IGF2R: variants seen among roughly 807,000 people sequenced by gnomAD.
IGF2R encodes the protein insulin like growth factor 2 receptor, also known as cation-independent mannose-6-phosphate receptor.
Under a neutral mutation model 270.6 loss-of-function variants are expected in IGF2R, and 91 were observed. That is an observed-to-expected ratio of 0.34 (90% confidence interval 0.28 to 0.40). The LOEUF (loss-of-function observed/expected upper bound fraction) is 0.40, where lower values mean the gene tolerates loss of function less well. IGF2R is among the 10% of genes least tolerant of loss of function. The probability of loss-of-function intolerance (pLI) is 1.00; values close to 1 mark genes in which losing one functional copy is unlikely to be tolerated. For missense variants in IGF2R, 2,805 were observed against 3,188.3 expected (o/e 0.88, Z 2.90); for synonymous variants, 1,316 against 1,258.9 (o/e 1.05, Z -0.96).
In IGF2R at chr6:160,104,868, A is replaced by G. The variant is rs771354233; in HGVS notation, c.7260A>G (p.Lys2420=). 3.7e-6 allele frequency: 6 copies of G among 1,614,182 alleles called. No homozygotes were observed. In the South Asian group the frequency reaches 5.5e-5, roughly 15 times the overall value. The change falls in exon 48 of 48, where the codon AAA becomes AAG. Residue 2420 remains lysine (K), a synonymous_variant. Transcript: ENST00000356956. Reference sequence around the variant, plus strand: ...AGGTTCTGACCATCCCAGAGGTGAAAGTTCACTCGGGCAGGGGAGCTGGGG... The same window carrying G: ...AGGTTCTGACCATCCCAGAGGTGAAGGTTCACTCGGGCAGGGGAGCTGGGG... ...EDEVLTIPEV[K]VHSGRGAGAE...
chr6:160,070,031 C>T lies in IGF2R; in HGVS notation c.4416C>T (p.Ile1472=), dbSNP rs182138692. The change falls in exon 31 of 48, where the codon ATC becomes ATT. Residue 1472 remains isoleucine, a synonymous_variant. Coordinates refer to ENST00000356956, the MANE Select transcript of IGF2R (RefSeq NM_000876.4). ...GGATTCGGAAAAAGTCAACCACCAT[C>T]CGATTCACCTGCAGCGAGAGCCAAG... ...PDGIRKKSTT[I]RFTCSESQVN... is the part of the protein sequence containing the mutation. 96 of 1,614,236 alleles carry T rather than the reference C, an allele frequency of 5.9e-5. 1 individual carries two copies. The highest frequency in any genetic ancestry group is 5.3e-4 in the Admixed American group (32 of 60,030).
At chr6:160,009,659 G>C (rs1336244237) in intron 3 of IGF2R, among the ~76,000 whole-genome samples, 2 of 152,144 alleles carry the variant, frequency 1.3e-5, no homozygotes, top group African/African-American at 4.8e-5. Context: ...CTTATTATGG[G>C]CATATTGTAT....
chr6:160,072,725 C>T (rs750446934), intron 32 of IGF2R, 40 bp from the exon 33 acceptor site: 2 of 1,613,692 alleles, frequency 1.2e-6, no homozygotes, highest in East Asian at 2.2e-5. Flanking sequence ...AGTCTCAGCT[C>T]CCTGGAGTCA....
intron 19 of IGF2R, among the ~76,000 whole-genome samples, chr6:160,055,626 G>A (rs1778295343): frequency 6.6e-6 from 1 of 152,166 alleles, no homozygotes; most frequent in South Asian, 2.1e-4. Context: ...ACGGCCAAGG[G>A]TGTGGACTCA....
chr6:160,000,797 G>A (rs1052148008), intron 2 of IGF2R, among the ~76,000 whole-genome samples: 17 of 143,124 alleles, frequency 1.2e-4, no homozygotes, highest in South Asian at 2.3e-4. Context: ...GTGCAGTGGC[G>A]CCATCTTGGC....
chr6:160,080,230 A>G lies in IGF2R; in HGVS notation c.5788A>G (p.Thr1930Ala). ...ESRAKLWCST[T>A]ADYDRDHEWG... The stretch of plus-strand genomic sequence containing the variant: ...CAGGGCGAAGCTGTGGTGTAGCACA[A>G]CTGCGGACTACGACAGAGACCACGA... The change falls in exon 39 of 48, where the codon ACT becomes GCT. Residue 1930 changes from threonine to alanine, a missense_variant. This residue lies in a region of IGF2R where 1,851 missense variants were observed against 2,207.2 expected (regional missense o/e 0.84). Coordinates refer to ENST00000356956, the MANE Select transcript of IGF2R (RefSeq NM_000876.4). The G allele has an allele frequency of 6.2e-7, 1 of 1,614,180 alleles. No homozygotes were observed. Among genetic ancestry groups the G allele is most frequent in the Non-Finnish European group, 8.5e-7 (1 of 1,180,024 alleles).
At chr6:160,051,284 T>C (rs1778190317) in intron 19 of IGF2R, among the ~76,000 whole-genome samples, 1 of 152,184 alleles carries the variant, frequency 6.6e-6, no homozygotes, top group South Asian at 2.1e-4. Flanking sequence ...ATGATTCTCT[T>C]TGGAGCCTGA....
chr6:159,977,731 C>T (rs761964225), intron 1 of IGF2R, among the ~76,000 whole-genome samples: 1 of 152,314 alleles, frequency 6.6e-6, no homozygotes, highest in Non-Finnish European at 1.5e-5. Flanking sequence ...AGACTCCTCC[C>T]CTCACAGGCC....
chr6:159,989,194 A>C (rs1189357339), intron 1 of IGF2R, among the ~76,000 whole-genome samples: 1 of 152,082 alleles, frequency 6.6e-6, no homozygotes, highest in Non-Finnish European at 1.5e-5. Flanking sequence ...GTTTCTTGGC[A>C]GGGGGGTTTG....
At chr6:160,082,292 G>T (rs1263615972) in intron 39 of IGF2R, among the ~76,000 whole-genome samples, 1 of 151,984 alleles carries the variant, frequency 6.6e-6, no homozygotes, top group East Asian at 1.9e-4. Context: ...GTACTTGTAG[G>T]TATTACATTA....
At chr6:160,015,786 G>A (rs1468034114) in intron 4 of IGF2R, among the ~76,000 whole-genome samples, 2 of 152,286 alleles carry the variant, frequency 1.3e-5, no homozygotes, top group Non-Finnish European at 2.9e-5. Flanking sequence ...TAAATCATGG[G>A]GGTCCCTCAT....
intron 2 of IGF2R, among the ~76,000 whole-genome samples, chr6:160,008,680 A>G (rs1784284965): frequency 6.6e-6 from 1 of 152,160 alleles, no homozygotes; most frequent in Admixed American, 6.5e-5. Flanking sequence ...ACTAGTGTGG[A>G]GGCAGGGGGA....
intron 1 of IGF2R, among the ~76,000 whole-genome samples, chr6:159,983,916 T>C (rs1783841405): frequency 1.3e-5 from 2 of 152,092 alleles, no homozygotes; most frequent in African/African-American, 4.8e-5. Flanking sequence ...GGAAGAGAGG[T>C]TGTGGAAGGC....
chr6:160,073,751 T>TA lies in IGF2R; in HGVS notation c.4948-4dup, dbSNP rs1460102288. The TA allele has an allele frequency of 6.2e-7, 1 of 1,612,786 alleles. No homozygotes were observed. The highest frequency in any genetic ancestry group is 2.2e-5 in the East Asian group (1 of 44,874). On this transcript the variant is annotated splice_region_variant and splice_polypyrimidine_tract_variant and intron_variant, in intron 34 of 47. Transcript: ENST00000356956. Reference sequence around the variant, plus strand: ...TAGACTCAAAGCAGTCTTTCCTACTTAACAGACCGAATGTTCCGTGAGGAA... The same window carrying TA: ...TAGACTCAAAGCAGTCTTTCCTACTTAAACAGACCGAATGTTCCGTGAGGAA...
At chr6:160,055,896 G>A (rs548824626) in intron 19 of IGF2R, among the ~76,000 whole-genome samples, 4 of 152,230 alleles carry the variant, frequency 2.6e-5, no homozygotes, top group African/African-American at 9.6e-5. Flanking sequence ...ACACACCGAA[G>A]GGCACACAGA....
rs1783563856 is a variant in IGF2R, at chr6:159,969,086, C to T, written c.-161C>T. 2 of 245,596 alleles carry T rather than the reference C, an allele frequency of 8.1e-6. No individual in the cohort carries two copies. Among genetic ancestry groups the T allele is most frequent in the Non-Finnish European group, 1.3e-5 (2 of 154,316 alleles). 15.2% of individuals were successfully genotyped at this position (245,596 alleles called of 1,614,324 possible). ...CGCGGTTCCGGGGCCGCCGCTGCCG[C>T]TGTCGCTGTCGCCGAGCCCAGTCGA... On this transcript the variant is annotated 5_prime_UTR_variant, in exon 1 of 48. Transcript: ENST00000356956.
chr6:159,979,331 G>T (rs1783743548), intron 1 of IGF2R, among the ~76,000 whole-genome samples: 1 of 152,164 alleles, frequency 6.6e-6, no homozygotes, highest in Non-Finnish European at 1.5e-5. Context: ...CACCAGAATA[G>T]AAGTGCTAAA....
chr6:160,061,903 T>C lies in IGF2R; in HGVS notation c.3557T>C (p.Ile1186Thr). ...GGGAACCAGCGCTTCTCCACCAGGA[T>C]CACGTTTGAGTGTGCTCAGATATCG... is the stretch of plus-strand genomic sequence containing the variant. Reference protein sequence around the residue: ...KCGNQRFSTRITFECAQISGS... With the variant: ...KCGNQRFSTRTTFECAQISGS... The change falls in exon 25 of 48, where the codon ATC becomes ACC. Residue 1186 changes from isoleucine to threonine, a missense_variant. Around this residue, in one of 2 missense-constraint regions of IGF2R, gnomAD observed 1,851 missense variants for 2,207.2 expected, o/e 0.84. Coordinates refer to ENST00000356956, the MANE Select transcript of IGF2R (RefSeq NM_000876.4). 1 of 1,614,144 alleles carries C rather than the reference T, an allele frequency of 6.2e-7. No homozygotes were observed. Among genetic ancestry groups the C allele is most frequent in the Non-Finnish European group, 8.5e-7 (1 of 1,180,020 alleles).
intron 2 of IGF2R, among the ~76,000 whole-genome samples, chr6:159,995,845 G>C (rs1412356236): frequency 1.3e-5 from 2 of 148,752 alleles, no homozygotes; most frequent in Non-Finnish European, 3.0e-5. Context: ...ATTTTCTTTA[G>C]GGTCCACTGC....
Sources: gnomAD v4.1 joint callset for allele counts (sites outside exome capture counted in the v4.1 genomes callset) on GRCh38, gnomAD v4.1.1 for gene constraint, gnomAD v4.1.1 regional missense constraint, MANE v1.5 for transcripts, NCBI Gene and HGNC (gene_info 2026-07-23, HGNC 2026-07-21) for gene names.